KCNJ15: variants seen among roughly 807,000 people sequenced by gnomAD.
KCNJ15 encodes the protein ATP-sensitive inward rectifier potassium channel 15.
In KCNJ15, 14 loss-of-function variants were observed where a neutral mutation model predicts 23.0. That is an observed-to-expected ratio of 0.61 (90% CI 0.40 to 0.95). The LOEUF is 0.95. KCNJ15 is among the 40% of genes least tolerant of loss of function. KCNJ15 has a pLI of 0.00. For missense variants in KCNJ15, 388 were observed against 461.8 expected (o/e 0.84, Z 1.46); for synonymous variants, 185 against 183.2 (o/e 1.01, Z -0.08).
At position 38,300,222 on chromosome 21, in the gene KCNJ15, G is replaced by A. The variant is rs1365947442; in HGVS notation, c.961G>A (p.Gly321Arg). 6.2e-6 allele frequency: 10 copies of A among 1,613,998 alleles called. No individual in the cohort carries two copies. The highest frequency in any genetic ancestry group is 8.5e-6 in the Non-Finnish European group (10 of 1,180,010). ...GCCTGTGGTATCTCTCTCCAAAAAT[G>A]GAAAATATGTGGCTGATTTCAGTCA... ...FVPVVSLSKN[G>R]KYVADFSQFE... is the part of the protein sequence containing the mutation. Residue 321 changes from glycine (G) to arginine (R), a missense_variant, in exon 3 of 3, where the codon GGA becomes AGA. Coordinates refer to ENST00000398938, the MANE Select transcript of KCNJ15 (RefSeq NM_170736.3).
intron 1 of KCNJ15, among the ~76,000 whole-genome samples, chr21:38,278,961 G>C (rs1046573148): frequency 1.3e-5 from 2 of 152,194 alleles, no homozygotes; most frequent in African/African-American, 4.8e-5. Context: ...GCTATAGAGA[G>C]AGGACAACTT....
intron 1 of KCNJ15, among the ~76,000 whole-genome samples, chr21:38,291,025 C>CAT (rs1555885288): frequency 0.14 from 21,180 of 150,946 alleles, 1,608 homozygotes; most frequent in East Asian, 0.29. Flanking sequence ...CACACACACA[C>CAT]GTATATATAG....
intron 1 of KCNJ15, among the ~76,000 whole-genome samples, chr21:38,271,615 G>T (rs1007596284): frequency 2.6e-4 from 39 of 152,302 alleles, no homozygotes; most frequent in Middle Eastern, 3.4e-3. Context: ...GGTCCTATAA[G>T]GGGAAGTCCT....
intron 1 of KCNJ15, among the ~76,000 whole-genome samples, chr21:38,293,392 AAC>A (rs1984821325): frequency 6.6e-6 from 1 of 152,250 alleles, no homozygotes; most frequent in South Asian, 2.1e-4. Flanking sequence ...GGGAGTAGGA[AAC>A]ACACACCCCA....
At chr21:38,280,814 T>A (rs1217171776) in intron 1 of KCNJ15, among the ~76,000 whole-genome samples, 1 of 152,176 alleles carries the variant, frequency 6.6e-6, no homozygotes, top group Non-Finnish European at 1.5e-5. Flanking sequence ...TCAACAGTCA[T>A]GTGAGAGAAG....
At chr21:38,239,380 T>C (rs773997325) in intron 1 of KCNJ15, among the ~76,000 whole-genome samples, 16 of 152,262 alleles carry the variant, frequency 1.1e-4, no homozygotes, top group Non-Finnish European at 1.9e-4. Flanking sequence ...GGACCCCACC[T>C]CCCCAAAAAC....
intron 1 of KCNJ15, among the ~76,000 whole-genome samples, chr21:38,234,415 C>G (rs2836225): frequency 0.64 from 97,499 of 152,176 alleles, 33,778 homozygotes; most frequent in African/African-American, 0.9. Flanking sequence ...AAAATGATTA[C>G]TTACTGCAGC....
chr21:38,288,030 GTTTTTTTTTTTT>G (rs71184612), intron 1 of KCNJ15, among the ~76,000 whole-genome samples: 71 of 81,452 alleles, frequency 8.7e-4, no homozygotes, highest in Non-Finnish European at 1.1e-3. Context: ...TTTTTTCTTT[GTTTTTTTTTTTT>G]TTTTTTTTTT....
At chr21:38,266,692 C>CA in intron 1 of KCNJ15, among the ~76,000 whole-genome samples, 1 of 152,300 alleles carries the variant, frequency 6.6e-6, no homozygotes, top group South Asian at 2.1e-4. Context: ...ATTGCTGGGT[C>CA]AAATGGTATT....
intron 1 of KCNJ15, among the ~76,000 whole-genome samples, chr21:38,286,575 C>T (rs1983937601): frequency 6.6e-6 from 1 of 152,208 alleles, no homozygotes; most frequent in Non-Finnish European, 1.5e-5. Context: ...ATAAAAGACA[C>T]AGTATCTGAG....
At chr21:38,273,073 G>T (rs2031287217) in intron 1 of KCNJ15, among the ~76,000 whole-genome samples, 1 of 152,170 alleles carries the variant, frequency 6.6e-6, no homozygotes, top group Admixed American at 6.5e-5. Flanking sequence ...CAAAGACTTT[G>T]ATTTCAGTGA....
intron 1 of KCNJ15, among the ~76,000 whole-genome samples, chr21:38,266,113 A>G (rs556575606): frequency 6.6e-6 from 1 of 152,274 alleles, no homozygotes; most frequent in African/African-American, 2.4e-5. Context: ...AAGGCCAGGC[A>G]GGGCTCTAAG....
At chr21:38,240,428 T>C (rs1978915675) in intron 1 of KCNJ15, among the ~76,000 whole-genome samples, 1 of 152,228 alleles carries the variant, frequency 6.6e-6, no homozygotes, top group Admixed American at 6.5e-5. Flanking sequence ...AGTTAAGCAT[T>C]AGCAAGGAAG....
At position 38,302,289 on chromosome 21, in the gene KCNJ15, C is replaced by G. The variant is rs1256851280; in HGVS notation, c.*1900C>G. ...AATGATGGTATAGATTACAGCAAAT[C>G]TGGATATATATTGATGTTACTGCAT... On this transcript the variant is annotated 3_prime_UTR_variant, in exon 3 of 3. Transcript: ENST00000398938. The G allele has an allele frequency of 6.6e-6, 1 of 152,196 alleles. No individual in the cohort carries two copies. The highest frequency in any genetic ancestry group is 1.5e-5 in the Non-Finnish European group (1 of 68,044). The allele number at this position is 152,196 out of a possible 1,614,324, so 9.4% of individuals were successfully genotyped here. A position where few individuals can be genotyped will look rare whatever the true frequency, so the allele number is the denominator to read the frequency against.
rs1326348009 is a variant in KCNJ15, at chr21:38,299,583, A to G, written c.322A>G (p.Ile108Val). 2 of 1,614,120 alleles carry G rather than the reference A, an allele frequency of 1.2e-6. No individual in the cohort carries two copies. The highest frequency in any genetic ancestry group is 1.7e-6 in the Non-Finnish European group (2 of 1,180,008). The change falls in exon 3 of 3, where the codon ATC (isoleucine) becomes GTC (valine). Residue 108 changes from isoleucine (I) to valine (V), a missense_variant. Physicochemically the swap from Ile to Val is conservative, Grantham distance 29. Coordinates refer to ENST00000398938, the MANE Select transcript of KCNJ15 (RefSeq NM_170736.3). The surrounding 1 kb of genome is among the most constrained non-coding windows in gnomAD (Gnocchi z 4.5). ...GEPISNHTPC[I>V]MKVDSLTGAF... ...GCCCATTTCAAATCATACCCCCTGC[A>G]TCATGAAAGTGGACTCTCTCACTGG...
At chr21:38,293,274 C>A (rs1984806730) in intron 1 of KCNJ15, among the ~76,000 whole-genome samples, 1 of 152,006 alleles carries the variant, frequency 6.6e-6, no homozygotes, top group Non-Finnish European at 1.5e-5. Flanking sequence ...CACCCACATG[C>A]AAGGCAAGCC....
At chr21:38,243,747 A>G (rs1042760627) in intron 1 of KCNJ15, among the ~76,000 whole-genome samples, 3 of 152,126 alleles carry the variant, frequency 2.0e-5, no homozygotes, top group Non-Finnish European at 4.4e-5. Context: ...CAACTCTGCA[A>G]CTCTGCCATT....
rs532458834 is a variant in KCNJ15, at chr21:38,238,463, C to G, written c.-398-18583C>G. On this transcript the variant is annotated intron_variant, in intron 1 of 4. Transcript: ENST00000547341. ...ACTTTGGTGTCCTTGGCCTGGCGGTCTCCACAGATGGTGATCTGCCTGAGG... is the reference window on the plus strand; with the variant it reads ...ACTTTGGTGTCCTTGGCCTGGCGGTGTCCACAGATGGTGATCTGCCTGAGG... The G allele has an allele frequency of 4.5e-6, 3 of 662,462 alleles. No individual in the cohort carries two copies. The African/African-American group carries it at 5.4e-5, about 12-fold the overall frequency. 41.0% of individuals were successfully genotyped at this position (662,462 alleles called of 1,614,324 possible).
intron 1 of KCNJ15, among the ~76,000 whole-genome samples, chr21:38,288,026 C>CTTTCTTTTTTTTTTTTTT (rs1171718120): frequency 1.3e-5 from 1 of 78,170 alleles, no homozygotes; most frequent in African/African-American, 5.1e-5. Context: ...TTGTTTTTTT[C>CTTTCTTTTTTTTTTTTTT]TTTGTTTTTT....
Sources: allele counts gnomAD v4.1 joint callset (sites outside exome capture counted in the v4.1 genomes callset), GRCh38; gene constraint gnomAD v4.1.1; non-coding constraint Gnocchi (gnomAD v3.1); transcripts MANE v1.5; gene names NCBI Gene and HGNC (gene_info 2026-07-23, HGNC 2026-07-21).